The following PTPRN2 variants were observed in gnomAD, a reference collection of about 807,000 sequenced individuals.
The protein encoded by PTPRN2 is receptor-type tyrosine-protein phosphatase N2.
In PTPRN2, 74 loss-of-function variants were observed where a neutral mutation model predicts 118.8. The ratio of observed to expected loss-of-function variants is 0.62; its 90% CI spans 0.52 to 0.76. The LOEUF is 0.76. Ranked by LOEUF, PTPRN2 falls within the 30% of genes least tolerant of loss-of-function variation. The pLI is 0.00. For missense variants in PTPRN2, 1,481 were observed against 1,394.4 expected (o/e 1.06, Z -0.99); for synonymous variants, 641 against 608.0 (o/e 1.05, Z -0.80).
At chr7:158,208,076 G>C (rs886976189) in intron 3 of PTPRN2, among the ~76,000 whole-genome samples, 32 of 152,166 alleles carry the variant, frequency 2.1e-4, no homozygotes, top group African/African-American at 6.8e-4. Flanking sequence ...TTGAAGACTG[G>C]CTAGTTGAAA....
intron 1 of PTPRN2, among the ~76,000 whole-genome samples, chr7:158,582,322 T>C (rs1202660746): frequency 6.6e-6 from 1 of 152,130 alleles, no homozygotes; most frequent in Non-Finnish European, 1.5e-5. Context: ...ATAAGAGAGG[T>C]TCTCAGCCGA....
At chr7:157,670,477 C>T (rs1796354904) in intron 13 of PTPRN2, among the ~76,000 whole-genome samples, 1 of 152,206 alleles carries the variant, frequency 6.6e-6, no homozygotes, top group Admixed American at 6.5e-5. Flanking sequence ...TGGAACAGCC[C>T]ATGTCTAAGA....
intron 3 of PTPRN2, among the ~76,000 whole-genome samples, chr7:158,270,866 A>G (rs1476800151): frequency 0.017 from 299 of 17,372 alleles, 35 homozygotes; most frequent in African/African-American, 0.057. Flanking sequence ...CCCCACCTGG[A>G]CCGCCCCCTC....
intron 12 of PTPRN2, among the ~76,000 whole-genome samples, chr7:157,846,923 T>C (rs1435758389): frequency 4.4e-5 from 6 of 136,660 alleles, no homozygotes; most frequent in African/African-American, 8.5e-5. Flanking sequence ...TGCCTGATGT[T>C]TACAGAGCCC....
chr7:158,144,251 C>G (rs1039169956), intron 6 of PTPRN2, among the ~76,000 whole-genome samples: 2 of 151,064 alleles, frequency 1.3e-5, no homozygotes, highest in South Asian at 4.2e-4. Context: ...TTTTCTGAGC[C>G]CCCCAAGGTT....
chr7:158,169,608 C>T (rs561589547), intron 5 of PTPRN2, among the ~76,000 whole-genome samples: 1 of 151,640 alleles, frequency 6.6e-6, no homozygotes, highest in African/African-American at 2.4e-5. Flanking sequence ...GATTTCAGTT[C>T]TCATATATGA....
At chr7:157,700,477 G>A (rs1041785304) in intron 12 of PTPRN2, among the ~76,000 whole-genome samples, 2 of 152,158 alleles carry the variant, frequency 1.3e-5, no homozygotes, top group African/African-American at 2.4e-5. Context: ...TGAGGCTTGA[G>A]GCTTCCTTGT....
rs567587894 is a variant in PTPRN2, at chr7:158,280,105, C to T, written c.277+36714G>A. 6.6e-5 allele frequency among the ~76,000 whole-genome samples: 10 copies of T among 152,274 alleles called. No individual in the cohort carries two copies. In the South Asian group the frequency reaches 8.3e-4, roughly 13 times the overall value. On this transcript the variant is annotated intron_variant, in intron 3 of 22. Coordinates refer to ENST00000389418, the MANE Select transcript of PTPRN2 (RefSeq NM_002847.5). The stretch of plus-strand genomic sequence containing the variant: ...AGTTTGCTCTCAAGCAGTTTAAACT[C>T]GTCTAATGCTTTAACTGGCCTGTCA...
At chr7:157,781,745 C>T (rs547486100) in intron 12 of PTPRN2, among the ~76,000 whole-genome samples, 2 of 152,346 alleles carry the variant, frequency 1.3e-5, no homozygotes, top group Admixed American at 6.5e-5. Flanking sequence ...AGTCATCTGA[C>T]TTCACAGTAC....
At chr7:158,541,557 G>C (rs1172088409) in intron 1 of PTPRN2, 1 of 1,352,084 alleles carries the variant, frequency 7.4e-7, no homozygotes, top group Non-Finnish European at 9.8e-7. Flanking sequence ...CTTCATAGTA[G>C]GAAAGCTGGC....
intron 12 of PTPRN2, among the ~76,000 whole-genome samples, chr7:157,704,856 G>A (rs942499270): frequency 6.6e-6 from 1 of 152,220 alleles, no homozygotes; most frequent in African/African-American, 2.4e-5. Flanking sequence ...CAGAGTGTGT[G>A]TCTGTAACTA....
intron 11 of PTPRN2, among the ~76,000 whole-genome samples, chr7:158,012,280 C>T (rs986765191): frequency 5.9e-5 from 9 of 151,600 alleles, no homozygotes; most frequent in Non-Finnish European, 1.2e-4. Flanking sequence ...GGGGAACTGC[C>T]GGGGGCTGAT....
At chr7:158,054,351 G>A (rs1809618167) in intron 11 of PTPRN2, among the ~76,000 whole-genome samples, 1 of 152,174 alleles carries the variant, frequency 6.6e-6, no homozygotes, top group Non-Finnish European at 1.5e-5. Context: ...GTTGGGGACA[G>A]GACACTCCTC....
chr7:157,757,227 C>T (rs546075965), intron 12 of PTPRN2, among the ~76,000 whole-genome samples: 3 of 150,514 alleles, frequency 2.0e-5, no homozygotes, highest in South Asian at 4.2e-4. Flanking sequence ...GCAGAATTGG[C>T]CATGGGTGAA....
chr7:157,888,529 C>G (rs1056738699), intron 12 of PTPRN2, among the ~76,000 whole-genome samples: 22 of 152,256 alleles, frequency 1.4e-4, no homozygotes, highest in African/African-American at 3.6e-4. Flanking sequence ...GCTCTCTGCC[C>G]CACCAGCCCA....
At chr7:158,256,317 C>T (rs909880236) in intron 3 of PTPRN2, among the ~76,000 whole-genome samples, 6 of 143,520 alleles carry the variant, frequency 4.2e-5, no homozygotes, top group South Asian at 2.1e-4. Flanking sequence ...GCAGGGACCC[C>T]GCGGCTGCCT....
intron 11 of PTPRN2, among the ~76,000 whole-genome samples, chr7:158,046,690 G>T (rs902119099): frequency 6.6e-5 from 10 of 152,158 alleles, no homozygotes; most frequent in African/African-American, 2.4e-4. Flanking sequence ...GAGGATGCCG[G>T]GCTGGGTGTC....
intron 3 of PTPRN2, among the ~76,000 whole-genome samples, chr7:158,290,307 G>C (rs1015703486): frequency 6.6e-6 from 1 of 152,186 alleles, no homozygotes; most frequent in Admixed American, 6.5e-5. Flanking sequence ...GCCCAGGTCA[G>C]TGAGGGCTGG....
At chr7:158,257,796 G>A (rs898982932) in intron 3 of PTPRN2, among the ~76,000 whole-genome samples, 34 of 152,244 alleles carry the variant, frequency 2.2e-4, no homozygotes, top group South Asian at 2.1e-4. Context: ...CAGGGATGGC[G>A]TGCGTGCCAG....
Sources: allele counts gnomAD v4.1 joint callset (sites outside exome capture counted in the v4.1 genomes callset), GRCh38; gene constraint gnomAD v4.1.1; transcripts MANE v1.5; gene names NCBI Gene and HGNC (gene_info 2026-07-23, HGNC 2026-07-21).